RORA: variants seen among roughly 807,000 people sequenced by gnomAD.
RORA encodes the protein RAR related orphan receptor A, also known as nuclear receptor ROR-alpha.
Under a neutral mutation model 69.5 loss-of-function variants are expected in RORA, and 7 were observed. The observed-to-expected ratio is 0.10, with a 90% CI of 0.06 to 0.19. The LOEUF (loss-of-function observed/expected upper bound fraction) is 0.19. RORA is among the 10% of genes least tolerant of loss of function. The pLI is 1.00. For missense variants in RORA, 457 were observed against 663.0 expected, an observed-to-expected ratio of 0.69 and a Z score of 3.41; for synonymous variants, 261 against 240.8, an observed-to-expected ratio of 1.08 and a Z score of -0.78.
At position 60,537,596 on chromosome 15, in the gene RORA, T is replaced by G. The variant is rs1022805383; in HGVS notation, c.197-5745A>C. Among the ~76,000 whole-genome samples the G allele has an allele frequency of 6.6e-6, 1 of 152,196 alleles. No homozygotes were observed. The highest frequency in any genetic ancestry group is 2.1e-4 in the South Asian group (1 of 4,834). On this transcript the variant is annotated intron_variant, in intron 2 of 10. Transcript: ENST00000335670. The surrounding 1 kb of genome is among the most constrained non-coding windows in gnomAD (Gnocchi z 4.9). ...GGAACAGACCATCGACCTGGACCTG[T>G]GGCTTGGAATAGAGTATGGGTATGT...
chr15:60,527,478 G>A (rs1223332033), intron 3 of RORA, among the ~76,000 whole-genome samples: 1 of 152,194 alleles, frequency 6.6e-6, no homozygotes, highest in Non-Finnish European at 1.5e-5. Context: ...CTGGCATGGG[G>A]CACGACCTGC....
At chr15:60,948,652 G>C (rs1234037982) in intron 1 of RORA, among the ~76,000 whole-genome samples, 1 of 152,204 alleles carries the variant, frequency 6.6e-6, no homozygotes, top group African/African-American at 2.4e-5. Flanking sequence ...CTGAGGCTTA[G>C]ACAAGTTATG....
intron 1 of RORA, among the ~76,000 whole-genome samples, chr15:60,714,453 C>T (rs1370217573): frequency 1.3e-5 from 2 of 151,924 alleles, no homozygotes; most frequent in Non-Finnish European, 2.9e-5. Context: ...CAACCTCAAC[C>T]TCCTGGGCTC....
At chr15:60,738,398 C>A (rs1292707009) in intron 1 of RORA, among the ~76,000 whole-genome samples, 1 of 152,250 alleles carries the variant, frequency 6.6e-6, no homozygotes, top group African/African-American at 2.4e-5. Context: ...GCCCCAACCA[C>A]AAATTCCTGG....
At chr15:61,101,518 GC>G (rs997289267) in intron 1 of RORA, among the ~76,000 whole-genome samples, 1 of 152,112 alleles carries the variant, frequency 6.6e-6, no homozygotes, top group African/African-American at 2.4e-5. Context: ...GAATTCAGCA[GC>G]AGGAAGGGTA....
chr15:60,717,345 C>T (rs939027937), intron 1 of RORA, among the ~76,000 whole-genome samples: 7 of 152,162 alleles, frequency 4.6e-5, no homozygotes, highest in Non-Finnish European at 8.8e-5. Flanking sequence ...TGTACAGCAC[C>T]CAGAACAGTG....
At chr15:61,100,794 G>C (rs2078868545) in intron 1 of RORA, among the ~76,000 whole-genome samples, 1 of 152,192 alleles carries the variant, frequency 6.6e-6, no homozygotes, top group South Asian at 2.1e-4. Context: ...ACTCCTTACA[G>C]TTTAGGCTAA....
intron 1 of RORA, among the ~76,000 whole-genome samples, chr15:60,861,793 C>T (rs970341867): frequency 6.6e-6 from 1 of 152,028 alleles, no homozygotes; most frequent in Non-Finnish European, 1.5e-5. Context: ...TTTAAATAGC[C>T]CTGCAGAAGG....
intron 2 of RORA, among the ~76,000 whole-genome samples, chr15:60,628,759 C>T (rs1423214435): frequency 6.6e-6 from 1 of 152,054 alleles, no homozygotes; most frequent in African/African-American, 2.4e-5. Flanking sequence ...ACTCAAGTCC[C>T]GTAAAGATCT....
At chr15:61,018,610 AGCAT>A (rs1373803094) in intron 1 of RORA, among the ~76,000 whole-genome samples, 1 of 152,118 alleles carries the variant, frequency 6.6e-6, no homozygotes, top group Non-Finnish European at 1.5e-5. Context: ...GTATATACGG[AGCAT>A]GCATGTATAT....
chr15:61,070,438 C>G (rs192303449), intron 1 of RORA, among the ~76,000 whole-genome samples: 2 of 152,184 alleles, frequency 1.3e-5, no homozygotes, highest in African/African-American at 4.8e-5. Flanking sequence ...TAAGCAGCCA[C>G]GAACATCTCC....
chr15:61,098,842 C>A (rs1394338985), intron 1 of RORA, among the ~76,000 whole-genome samples: 1 of 152,214 alleles, frequency 6.6e-6, no homozygotes, highest in Non-Finnish European at 1.5e-5. Flanking sequence ...ATAATAAGTA[C>A]TGCTTAGGAG....
At chr15:60,695,898 C>T (rs989270554) in intron 1 of RORA, among the ~76,000 whole-genome samples, 2 of 151,982 alleles carry the variant, frequency 1.3e-5, no homozygotes, top group South Asian at 2.1e-4. Context: ...GAGCATCAGT[C>T]GCAGAATGAA....
At chr15:60,791,763 C>T (rs372077407) in intron 1 of RORA, among the ~76,000 whole-genome samples, 307 of 152,266 alleles carry the variant, frequency 2.0e-3, no homozygotes, top group African/African-American at 6.9e-3. Flanking sequence ...TATCTGCTGT[C>T]GACCGCAGGA....
intron 1 of RORA, among the ~76,000 whole-genome samples, chr15:60,688,544 C>T (rs531041717): frequency 7.4e-4 from 113 of 152,234 alleles, no homozygotes; most frequent in African/African-American, 2.6e-3. Flanking sequence ...TTAGGAGACC[C>T]AGTTTCCTAT....
intron 1 of RORA, among the ~76,000 whole-genome samples, chr15:60,773,455 T>G (rs2072108892): frequency 6.6e-6 from 1 of 152,290 alleles, no homozygotes; most frequent in Admixed American, 6.5e-5. Context: ...TCTTACGCAA[T>G]CACAGCTGAG....
chr15:60,596,356 T>C (rs971458149), intron 2 of RORA, among the ~76,000 whole-genome samples: 2 of 152,052 alleles, frequency 1.3e-5, no homozygotes, highest in African/African-American at 4.8e-5. Flanking sequence ...TTGTTATAGC[T>C]GAACAAGAAA....
intron 1 of RORA, among the ~76,000 whole-genome samples, chr15:61,001,307 A>C (rs1029535152): frequency 6.6e-6 from 1 of 152,220 alleles, no homozygotes; most frequent in African/African-American, 2.4e-5. Flanking sequence ...TAATAACTCA[A>C]CTTAGGGCTC....
chr15:60,606,355 T>G (rs955802663), intron 2 of RORA, among the ~76,000 whole-genome samples: 2 of 152,248 alleles, frequency 1.3e-5, no homozygotes, highest in Admixed American at 6.5e-5. Context: ...ATAGGAAAGC[T>G]GCAATGTACT....
Sources: allele counts gnomAD v4.1 joint callset (sites outside exome capture counted in the v4.1 genomes callset), GRCh38; gene constraint gnomAD v4.1.1; non-coding constraint Gnocchi (gnomAD v3.1); transcripts MANE v1.5; gene names NCBI Gene and HGNC (gene_info 2026-07-23, HGNC 2026-07-21).